NALCN: variants seen among roughly 807,000 people sequenced by gnomAD.
NALCN encodes the protein sodium leak channel, non-selective, also known as sodium leak channel NALCN.
NALCN carries 111 observed loss-of-function variants against 225.3 expected under a neutral mutation model. The ratio of observed to expected loss-of-function variants is 0.49; its 90% CI spans 0.42 to 0.58. The LOEUF is 0.58. Among genes scored for constraint, NALCN ranks in the 20% least tolerant of loss-of-function variants. NALCN has a pLI of 0.00. For missense variants in NALCN, 1,378 were observed against 2,202.4 expected, an observed-to-expected ratio of 0.63 and a Z score of 7.49; for synonymous variants, 764 against 769.0, an observed-to-expected ratio of 0.99 and a Z score of 0.11.
At chr13:101,274,290 G>T (rs553645837) in intron 10 of NALCN, among the ~76,000 whole-genome samples, 1 of 152,332 alleles carries the variant, frequency 6.6e-6, no homozygotes, top group Non-Finnish European at 1.5e-5. Flanking sequence ...ATAGTGGAAT[G>T]AATAAATGAA....
chr13:101,100,742 G>A lies in NALCN; in HGVS notation c.3162+42C>T, dbSNP rs764546414. 92 of 1,519,600 alleles carry A rather than the reference G, an allele frequency of 6.1e-5. No homozygotes were observed. The Admixed American group carries it at 1.7e-3, about 28-fold the overall frequency. The allele number at this position is 1,519,600 out of a possible 1,614,324, so 94.1% of individuals were successfully genotyped here. A position where few individuals can be genotyped will look rare whatever the true frequency, so the allele number is the denominator to read the frequency against. ...TTGTAGGCACATGCCACCACACTTG[G>A]CCCTTAATTTTTATTTCAAAAGACA... is the stretch of plus-strand genomic sequence containing the variant. On this transcript the variant is annotated intron_variant, in intron 27 of 43. Transcript: ENST00000251127.
chr13:101,281,415 A>G (rs2043164594), intron 10 of NALCN, among the ~76,000 whole-genome samples: 1 of 152,168 alleles, frequency 6.6e-6, no homozygotes, highest in Non-Finnish European at 1.5e-5. Flanking sequence ...ATATCAGTTG[A>G]TGGATTAAAA....
intron 26 of NALCN, 119 bp downstream of exon 26, chr13:101,103,053 C>T: frequency 2.4e-6 from 3 of 1,225,590 alleles, no homozygotes; most frequent in Admixed American, 2.3e-5. Context: ...CCTCCATTAC[C>T]CTCTGGCAAT....
At chr13:101,399,550 T>C (rs943051009) in intron 1 of NALCN, among the ~76,000 whole-genome samples, 1 of 152,196 alleles carries the variant, frequency 6.6e-6, no homozygotes, top group Non-Finnish European at 1.5e-5. Flanking sequence ...GTAATACAGA[T>C]GAAATGCACA....
rs760958889 is a variant in NALCN, at chr13:101,083,110, C to T, written c.3672G>A (p.Ser1224=). ...GAAGTACCTTGACAGAGAGCAACAC[C>T]GACTGGGCCAGGACGAGTAATGCGA... The part of the protein sequence containing the change: ...RTIALLVLAQ[S]VLLSVKWDVE... Residue 1224 remains serine, a synonymous_variant, in exon 32 of 44, where the codon TCG becomes TCA. Transcript: ENST00000251127. 24 of 1,613,964 alleles carry T rather than the reference C, an allele frequency of 1.5e-5. 1 individual carries two copies. Among genetic ancestry groups the T allele is most frequent in the South Asian group, 5.5e-5 (5 of 91,084 alleles).
At chr13:101,111,075 A>C (rs2035404485) in intron 19 of NALCN, 50 bp downstream of exon 19, 1 of 1,562,904 alleles carries the variant, frequency 6.4e-7, no homozygotes, top group African/African-American at 1.4e-5. Context: ...ATTTCCTGTA[A>C]AACCCCCCTT....
chr13:101,399,669 T>A (rs750026964), intron 1 of NALCN, among the ~76,000 whole-genome samples: 10 of 151,580 alleles, frequency 6.6e-5, no homozygotes, highest in Non-Finnish European at 1.2e-4. Context: ...GGGAGGGAGG[T>A]CAGAAAGAAT....
At chr13:101,240,471 A>G (rs1293821368) in intron 11 of NALCN, among the ~76,000 whole-genome samples, 3 of 151,906 alleles carry the variant, frequency 2.0e-5, no homozygotes, top group Non-Finnish European at 4.4e-5. Context: ...AGATTCTTCT[A>G]TTAATTCTAA....
chr13:101,317,046 TA>T (rs755308178), intron 7 of NALCN, among the ~76,000 whole-genome samples: 1 of 152,200 alleles, frequency 6.6e-6, no homozygotes, highest in Non-Finnish European at 1.5e-5. Flanking sequence ...GTGTTCAATA[TA>T]TTTTTTTTAG....
chr13:101,335,788 G>A (rs1240128642), intron 7 of NALCN, among the ~76,000 whole-genome samples: 3 of 150,190 alleles, frequency 2.0e-5, no homozygotes, highest in Admixed American at 6.6e-5. Context: ...TTTTATGACT[G>A]CAGTAAAAAT....
intron 7 of NALCN, among the ~76,000 whole-genome samples, chr13:101,321,832 T>C (rs1447847351): frequency 2.0e-5 from 3 of 152,162 alleles, no homozygotes; most frequent in African/African-American, 7.2e-5. Flanking sequence ...ATTAAACTCA[T>C]AATAATGTTA....
intron 18 of NALCN, among the ~76,000 whole-genome samples, chr13:101,118,008 A>T (rs1048097156): frequency 2.6e-5 from 4 of 152,194 alleles, no homozygotes; most frequent in Admixed American, 2.6e-4. Context: ...ATAGATACAC[A>T]TCATCACATA....
chr13:101,224,145 C>T (rs964131436), intron 13 of NALCN, among the ~76,000 whole-genome samples: 1 of 152,164 alleles, frequency 6.6e-6, no homozygotes, highest in Admixed American at 6.5e-5. Flanking sequence ...TCTAAAACCC[C>T]TTCAGCCTTC....
rs917717102 is a variant in NALCN, at chr13:101,376,687, T to C, written c.644+13A>G. On this transcript the variant is annotated intron_variant, in intron 6 of 43. Transcript: ENST00000251127. ...ATCAACTAGATTAAAATGCAGTTAATAGATAAACTTACCCTGGCTTTGTGT... is the reference window on the plus strand; with the variant it reads ...ATCAACTAGATTAAAATGCAGTTAACAGATAAACTTACCCTGGCTTTGTGT... 8 of 1,586,734 alleles carry C rather than the reference T, an allele frequency of 5.0e-6. No homozygotes were observed. Among genetic ancestry groups the C allele is most frequent in the African/African-American group, 1.4e-5 (1 of 72,884 alleles).
intron 7 of NALCN, among the ~76,000 whole-genome samples, chr13:101,302,257 A>G (rs928593548): frequency 1.3e-5 from 2 of 152,200 alleles, no homozygotes; most frequent in Admixed American, 6.5e-5. Context: ...GCAAAAATTA[A>G]CAATAAGGTA....
chr13:101,345,773 T>G (rs867666459), intron 6 of NALCN, among the ~76,000 whole-genome samples: 2,850 of 129,650 alleles, frequency 0.022, 220 homozygotes, highest in African/African-American at 0.078. Context: ...TATATATATT[T>G]AGAGAGGGAG....
intron 3 of NALCN, among the ~76,000 whole-genome samples, chr13:101,384,744 A>G (rs1594769049): frequency 6.6e-6 from 1 of 152,256 alleles, no homozygotes; most frequent in East Asian, 1.9e-4. Flanking sequence ...GTTTCTTTTC[A>G]CCTCTAGGGA....
At chr13:101,129,392 AGTC>A (rs2036400858) in intron 17 of NALCN, among the ~76,000 whole-genome samples, 1 of 152,172 alleles carries the variant, frequency 6.6e-6, no homozygotes, top group African/African-American at 2.4e-5. Flanking sequence ...TCTTACTGTT[AGTC>A]AAATTATCTC....
chr13:101,209,412 G>A (rs1222720217), intron 13 of NALCN, among the ~76,000 whole-genome samples: 4 of 152,228 alleles, frequency 2.6e-5, no homozygotes, highest in African/African-American at 7.2e-5. Flanking sequence ...AATTAGTCAC[G>A]CTTGGTCCGG....
Sources: allele counts gnomAD v4.1 joint callset (sites outside exome capture counted in the v4.1 genomes callset), GRCh38; gene constraint gnomAD v4.1.1; transcripts MANE v1.5; gene names NCBI Gene and HGNC (gene_info 2026-07-23, HGNC 2026-07-21).